PIAS2: variants seen among roughly 807,000 people sequenced by gnomAD.
PIAS2 encodes the protein protein inhibitor of activated STAT 2, also known as E3 SUMO-protein ligase PIAS2.
In PIAS2, 19 loss-of-function variants were observed where a neutral mutation model predicts 69.7. The ratio of observed to expected loss-of-function variants is 0.27; its 90% CI spans 0.19 to 0.40. PIAS2 has a LOEUF of 0.40. Among genes scored for constraint, PIAS2 ranks in the 10% least tolerant of loss-of-function variants. The probability of loss-of-function intolerance (pLI) is 1.00; values close to 1 mark genes in which losing one functional copy is unlikely to be tolerated. For missense variants in PIAS2, 624 were observed against 757.0 expected, an observed-to-expected ratio of 0.82 and a Z score of 2.06; for synonymous variants, 261 against 263.2, an observed-to-expected ratio of 0.99 and a Z score of 0.08.
chr18:46,818,274 G>T, intron 12 of PIAS2: 1 of 1,308,374 alleles, frequency 7.6e-7, no homozygotes. Flanking sequence ...AGCACCATTC[G>T]CACCTGACAA....
chr18:46,899,346 A>G (rs1331947718), intron 1 of PIAS2, among the ~76,000 whole-genome samples: 2 of 152,200 alleles, frequency 1.3e-5, no homozygotes, highest in African/African-American at 4.8e-5. Context: ...ATACCTGAGG[A>G]AAAGCATTCC....
upstream of PIAS2, chr18:46,918,150 G>C (rs866167644): frequency 6.6e-6 from 1 of 152,128 alleles, no homozygotes; most frequent in African/African-American, 2.4e-5. Flanking sequence ...CTGATAGCTA[G>C]GAAGGAGTCA....
At chr18:46,857,812 T>C (rs2048061766) in intron 3 of PIAS2, among the ~76,000 whole-genome samples, 1 of 152,222 alleles carries the variant, frequency 6.6e-6, no homozygotes. Flanking sequence ...CCAATCACTG[T>C]TCTAGGAAGT....
At chr18:46,920,132 G>C (rs1235436527), upstream of PIAS2, 2 of 1,276,502 alleles carry the variant, frequency 1.6e-6, no homozygotes, top group Admixed American at 4.6e-5. Context: ...TCCTGGATGG[G>C]TTGGGTAGGT....
intron 2 of PIAS2, among the ~76,000 whole-genome samples, chr18:46,874,186 A>G (rs1482131866): frequency 6.6e-6 from 1 of 152,226 alleles, no homozygotes; most frequent in African/African-American, 2.4e-5. Context: ...AAAACCACCC[A>G]TCGGAGGAAG....
At chr18:46,844,875 A>G in intron 6 of PIAS2, 36 bp from the exon 7 acceptor site, 1 of 814,700 alleles carries the variant, frequency 1.2e-6, no homozygotes, top group Non-Finnish European at 1.9e-6. Context: ...ATTAAAGATG[A>G]GAGATAATAT....
chr18:46,847,297 C>A (rs2046292649), intron 5 of PIAS2, among the ~76,000 whole-genome samples: 1 of 152,146 alleles, frequency 6.6e-6, no homozygotes, highest in African/African-American at 2.4e-5. Context: ...TTTTTAAAAT[C>A]TGGTGAGTGA....
chr18:46,861,558 C>T (rs775990013), intron 3 of PIAS2, among the ~76,000 whole-genome samples: 3 of 151,752 alleles, frequency 2.0e-5, no homozygotes, highest in Non-Finnish European at 4.4e-5. Flanking sequence ...AGGTTAACAT[C>T]ACCAAAAATA....
chr18:46,846,924 C>A, intron 5 of PIAS2, 83 bp from the exon 6 acceptor site: 1 of 1,201,124 alleles, frequency 8.3e-7, no homozygotes, highest in South Asian at 2.7e-5. Context: ...CAGGATCCTG[C>A]CCAATTTCAG....
chr18:46,836,318 G>GTAT (rs751443659), intron 9 of PIAS2, 39 bp downstream of exon 9: 356 of 1,509,848 alleles, frequency 2.4e-4, no homozygotes, highest in Non-Finnish European at 3.1e-4. Flanking sequence ...AACAGCTGTT[G>GTAT]TATTAGTCCA....
Position 46,836,428 on chromosome 18 carries a change from A to G in PIAS2, c.1131T>C (p.Asn377=), listed in dbSNP as rs780376135. 6.2e-7 allele frequency: 1 copy of G among 1,613,822 alleles called. No homozygotes were observed. The highest frequency in any genetic ancestry group is 1.1e-5 in the South Asian group (1 of 91,074). ...CFDAALYLQM[N]EKKPTWICPV... ...GACAAATCCAGGTGGGCTTTTTCTC[A>G]TTCATTTGTAGATAGAGGGCAGCAT... The change falls in exon 9 of 14, where the codon AAT becomes AAC. Residue 377 remains asparagine, a synonymous_variant. Transcript: ENST00000585916.
chr18:46,807,372 TATATATATA>T lies in PIAS2; in HGVS notation c.*5052_*5060del, dbSNP rs1568312786. 6.8e-5 allele frequency: 2 copies of T among 29,364 alleles called. No homozygotes were observed. 1.8% of individuals were successfully genotyped at this position (29,364 alleles called of 1,614,324 possible). On this transcript the variant is annotated 3_prime_UTR_variant, in exon 14 of 14. Transcript: ENST00000585916. ...GTCAGATTTTATATATATATATATA[TATATATATA>T]TATTTTTTTTTTTTTTTTTTTTTTT...
intron 1 of PIAS2, among the ~76,000 whole-genome samples, chr18:46,899,774 C>T (rs2055501449): frequency 6.6e-6 from 1 of 152,152 alleles, no homozygotes; most frequent in Non-Finnish European, 1.5e-5. Context: ...ATTAAAATCA[C>T]AGAATGATGT....
intron 1 of PIAS2, among the ~76,000 whole-genome samples, chr18:46,908,692 A>G (rs1366535809): frequency 6.6e-6 from 1 of 152,232 alleles, no homozygotes; most frequent in Non-Finnish European, 1.5e-5. Context: ...AATCACATAA[A>G]AATTAAGAAC....
intron 3 of PIAS2, among the ~76,000 whole-genome samples, chr18:46,859,361 G>C (rs1288140780): frequency 7.0e-6 from 1 of 143,776 alleles, no homozygotes; most frequent in Non-Finnish European, 1.5e-5. Flanking sequence ...TCGGGAGTCA[G>C]AGCTTGCAGT....
intron 8 of PIAS2, among the ~76,000 whole-genome samples, chr18:46,837,625 T>C (rs200296874): frequency 1.3e-5 from 2 of 152,170 alleles, no homozygotes; most frequent in South Asian, 2.1e-4. Context: ...TATAATCAAC[T>C]GTGTCAATTT....
chr18:46,911,474 T>C (rs1177041615), intron 1 of PIAS2, among the ~76,000 whole-genome samples: 1 of 152,050 alleles, frequency 6.6e-6, no homozygotes, highest in Non-Finnish European at 1.5e-5. Flanking sequence ...CCTGGGCCTC[T>C]CAAAGTGCTG....
In PIAS2 at chr18:46,805,831, C is replaced by G. The variant is rs769580890; in HGVS notation, c.*6602G>C. 3 of 152,116 alleles carry G rather than the reference C, an allele frequency of 2.0e-5. No homozygotes were observed. The highest frequency in any genetic ancestry group is 4.4e-5 in the Non-Finnish European group (3 of 68,032). 9.4% of individuals were successfully genotyped at this position (152,116 alleles called of 1,614,324 possible). A position where few individuals can be genotyped will look rare whatever the true frequency, so the allele number is the denominator to read the frequency against. ...TTTATTTAAAAGACTGCAGAAAAAC[C>G]AGGAATGAGCCTCATGGATGCTTCA... On this transcript the variant is annotated 3_prime_UTR_variant, in exon 14 of 14. Transcript: ENST00000585916.
At chr18:46,905,250 T>G (rs1373934999) in intron 1 of PIAS2, among the ~76,000 whole-genome samples, 1 of 152,164 alleles carries the variant, frequency 6.6e-6, no homozygotes, top group African/African-American at 2.4e-5. Flanking sequence ...GAACTCTGTT[T>G]GGAAATTAAA....
Sources: allele counts gnomAD v4.1 joint callset (sites outside exome capture counted in the v4.1 genomes callset), GRCh38; gene constraint gnomAD v4.1.1; transcripts MANE v1.5; gene names NCBI Gene and HGNC (gene_info 2026-07-23, HGNC 2026-07-21).